The following DCDC1 variants were observed in gnomAD, a reference collection of about 807,000 sequenced individuals.
The protein encoded by DCDC1 is doublecortin domain-containing protein 1.
Under a neutral mutation model 178.3 loss-of-function variants are expected in DCDC1, and 200 were observed. The ratio of observed to expected loss-of-function variants is 1.12; its 90% CI spans 1.00 to 1.26. The LOEUF is 1.26. Among genes scored for constraint, DCDC1 ranks in the 50% most tolerant of loss-of-function variants. DCDC1 has a pLI of 0.00. For synonymous variants in DCDC1, 690 were observed against 604.8 expected, an observed-to-expected ratio of 1.14 and a Z score of -2.07; for missense variants, 1,983 against 1,749.2, an observed-to-expected ratio of 1.13 and a Z score of -2.38.
chr11:31,059,958 A>G (rs1955821503), intron 20 of DCDC1, among the ~76,000 whole-genome samples: 1 of 152,004 alleles, frequency 6.6e-6, no homozygotes, highest in Non-Finnish European at 1.5e-5. Context: ...ATTGCTATTG[A>G]TTTGCCTTTC....
At chr11:31,086,499 T>C (rs1331404340) in intron 17 of DCDC1, among the ~76,000 whole-genome samples, 1 of 152,238 alleles carries the variant, frequency 6.6e-6, no homozygotes, top group African/African-American at 2.4e-5. Context: ...GGCTTGTCTT[T>C]TCATTCTCTC....
intron 9 of DCDC1, among the ~76,000 whole-genome samples, chr11:31,193,623 T>C (rs1565412118): frequency 6.6e-6 from 1 of 152,074 alleles, no homozygotes; most frequent in Non-Finnish European, 1.5e-5. Flanking sequence ...TTGACTCCTT[T>C]ACCTTGGAAA....
chr11:30,925,148 T>C (rs1369886292), intron 23 of DCDC1, among the ~76,000 whole-genome samples, 161 bp downstream of exon 23: 1 of 152,256 alleles, frequency 6.6e-6, no homozygotes, highest in Non-Finnish European at 1.5e-5. Flanking sequence ...TGAATAATGT[T>C]AGCTGTTAGT....
At chr11:31,268,455 T>C (rs1183363943) in intron 7 of DCDC1, among the ~76,000 whole-genome samples, 1 of 152,202 alleles carries the variant, frequency 6.6e-6, no homozygotes. Context: ...ATCCCACTTA[T>C]AAGTGAGAAC....
At chr11:31,064,037 GT>G (rs1318697550) in intron 20 of DCDC1, among the ~76,000 whole-genome samples, 1 of 152,124 alleles carries the variant, frequency 6.6e-6, no homozygotes, top group Non-Finnish European at 1.5e-5. Context: ...GGGTTGATTT[GT>G]TATCACTGGT....
chr11:31,293,729 T>G (rs1171239837), intron 6 of DCDC1, among the ~76,000 whole-genome samples: 1 of 152,192 alleles, frequency 6.6e-6, no homozygotes, highest in Non-Finnish European at 1.5e-5. Flanking sequence ...GGTAATATTA[T>G]TATCCTTATT....
chr11:31,354,181 G>A (rs1951214658), intron 1 of DCDC1, among the ~76,000 whole-genome samples: 1 of 152,152 alleles, frequency 6.6e-6, no homozygotes, highest in Admixed American at 6.5e-5. Context: ...AGCTACTCAG[G>A]AGGCTGAGGC....
In DCDC1 at chr11:31,106,833, T is replaced by C. The variant is rs1310325997; in HGVS notation, c.1715A>G (p.Glu572Gly). The change falls in exon 13 of 39, where the codon GAG becomes GGG. Residue 572 changes from glutamate to glycine, a missense_variant. Glu to Gly is a moderately conservative substitution (Grantham distance 98). Transcript: ENST00000684477. Reference sequence around the variant, plus strand: ...ACCATAAGAGACCCAAATTTTTTGCTCATTCTTCAGCGAAAGTGGATTCTT... The same window carrying C: ...ACCATAAGAGACCCAAATTTTTTGCCCATTCTTCAGCGAAAGTGGATTCTT... ...EIKNPLSLKN[E>G]QKIWVSYGRA... The C allele has an allele frequency of 2.6e-6, 2 of 766,268 alleles. No individual in the cohort carries two copies. Among genetic ancestry groups the C allele is most frequent in the Non-Finnish European group, 4.8e-6 (2 of 417,810 alleles). 47.5% of individuals were successfully genotyped at this position (766,268 alleles called of 1,614,324 possible).
chr11:30,952,205 A>C (rs1157842108), intron 21 of DCDC1, among the ~76,000 whole-genome samples: 1 of 152,210 alleles, frequency 6.6e-6, no homozygotes, highest in Admixed American at 6.6e-5. Context: ...CTAAGAATTA[A>C]ATCTCAAAAT....
intron 18 of DCDC1, among the ~76,000 whole-genome samples, chr11:31,075,885 C>T (rs1956834042): frequency 6.6e-6 from 1 of 152,098 alleles, no homozygotes; most frequent in Non-Finnish European, 1.5e-5. Context: ...GAGTTTCGCT[C>T]TTGTTGCCCA....
chr11:31,149,401 C>T (rs1253488928), intron 9 of DCDC1, among the ~76,000 whole-genome samples: 1 of 152,088 alleles, frequency 6.6e-6, no homozygotes, highest in East Asian at 1.9e-4. Context: ...TCAATCAGCA[C>T]TCTGTAAAAT....
chr11:30,879,829 C>A (rs1029122444), intron 37 of DCDC1, among the ~76,000 whole-genome samples: 1 of 152,058 alleles, frequency 6.6e-6, no homozygotes, highest in Non-Finnish European at 1.5e-5. Flanking sequence ...GCTAGCTTGC[C>A]TGAAGCATAT....
intron 9 of DCDC1, among the ~76,000 whole-genome samples, chr11:31,237,387 A>G (rs1401407212): frequency 1.3e-5 from 2 of 151,946 alleles, no homozygotes; most frequent in Non-Finnish European, 2.9e-5. Flanking sequence ...GTAAAACCTA[A>G]TTTTTGAAAT....
At chr11:31,294,092 G>A (rs954226791) in intron 6 of DCDC1, among the ~76,000 whole-genome samples, 1 of 152,144 alleles carries the variant, frequency 6.6e-6, no homozygotes, top group East Asian at 1.9e-4. Context: ...GCACCAGGGC[G>A]ACAACTGTAA....
chr11:31,313,247 AT>A (rs1403377219), intron 3 of DCDC1, among the ~76,000 whole-genome samples: 1 of 152,058 alleles, frequency 6.6e-6, no homozygotes, highest in Non-Finnish European at 1.5e-5. Flanking sequence ...GCTTAACTTT[AT>A]TTTTACTGGT....
intron 1 of DCDC1, among the ~76,000 whole-genome samples, chr11:31,351,227 T>C (rs1951057157): frequency 6.6e-6 from 1 of 152,088 alleles, no homozygotes; most frequent in South Asian, 2.1e-4. Flanking sequence ...GGTATTTTTC[T>C]TCAAAAATAT....
intron 38 of DCDC1, among the ~76,000 whole-genome samples, chr11:30,873,364 T>TAGAGAGAGAGAGAGAGAG (rs3076153): frequency 7.3e-5 from 10 of 137,084 alleles, no homozygotes; most frequent in African/African-American, 2.5e-4. Context: ...TATATATATA[T>TAGAGAGAGAGAGAGAGAG]AGAGAGAGAG....
chr11:31,086,625 T>C (rs1957492847), intron 17 of DCDC1, among the ~76,000 whole-genome samples: 1 of 152,164 alleles, frequency 6.6e-6, no homozygotes, highest in Admixed American at 6.5e-5. Context: ...TTTTGCCTAA[T>C]GGAAGGTCAC....
At chr11:31,150,012 TTC>T (rs1964983934) in intron 9 of DCDC1, among the ~76,000 whole-genome samples, 1 of 152,246 alleles carries the variant, frequency 6.6e-6, no homozygotes, top group Non-Finnish European at 1.5e-5. Context: ...CCATACTGTT[TTC>T]CACGGTGGGT....
Sources: gnomAD v4.1 joint callset for allele counts (sites outside exome capture counted in the v4.1 genomes callset) on GRCh38, gnomAD v4.1.1 for gene constraint, MANE v1.5 for transcripts, NCBI Gene and HGNC (gene_info 2026-07-23, HGNC 2026-07-21) for gene names.